The following SETBP1 variants were observed in gnomAD, a reference collection of about 807,000 sequenced individuals.
SETBP1 encodes SET-binding protein.
SETBP1 carries 9 observed loss-of-function variants against 101.0 expected under a neutral mutation model. That is an observed-to-expected ratio of 0.09 (90% CI 0.05 to 0.16). The LOEUF is 0.16. Among genes scored for constraint, SETBP1 ranks in the 10% least tolerant of loss-of-function variants. The pLI is 1.00. For missense variants in SETBP1, 1,858 were observed against 2,033.8 expected (o/e 0.91, Z 1.66); for synonymous variants, 818 against 788.5 (o/e 1.04, Z -0.63).
chr18:44,781,712 G>A (rs2071135087), intron 2 of SETBP1, among the ~76,000 whole-genome samples: 1 of 152,176 alleles, frequency 6.6e-6, no homozygotes, highest in Admixed American at 6.5e-5. Flanking sequence ...TTGAACCCAT[G>A]TGTTAGAGAG....
chr18:44,974,199 GCCTGTGTATGGGC>G (rs1240031564), intron 4 of SETBP1, among the ~76,000 whole-genome samples: 4 of 152,152 alleles, frequency 2.6e-5, no homozygotes, highest in Non-Finnish European at 5.9e-5. Flanking sequence ...GCCAATAACA[GCCTGTGTATGGGC>G]CCTGGTCATG....
intron 4 of SETBP1, among the ~76,000 whole-genome samples, chr18:44,990,422 T>G (rs144742670): frequency 2.0e-5 from 3 of 152,050 alleles, no homozygotes; most frequent in Non-Finnish European, 4.4e-5. Flanking sequence ...AATCAGACCC[T>G]GTCTTTACAA....
chr18:44,997,039 G>A (rs2145314720), intron 4 of SETBP1, among the ~76,000 whole-genome samples: 1 of 152,300 alleles, frequency 6.6e-6, no homozygotes, highest in South Asian at 2.1e-4. Context: ...CCATAACACA[G>A]GTGGCGTAAT....
chr18:44,701,570 C>T lies in SETBP1; in HGVS notation c.224C>T (p.Ala75Val), dbSNP rs770368733. 1.2e-6 allele frequency: 2 copies of T among 1,614,096 alleles called. No individual in the cohort carries two copies. The highest frequency in any genetic ancestry group is 1.1e-5 in the South Asian group (1 of 91,070). The change falls in exon 2 of 6, where the codon GCG becomes GTG. Residue 75 changes from alanine to valine, a missense_variant. By Grantham distance (64) the Ala-to-Val change is moderately conservative. Transcript: ENST00000649279. ...CGGGATGTGGATTCCAACTCCAACG[C>T]GGACAGTGAGAAATGGGTGGCAGGA... ...SGRDVDSNSN[A>V]DSEKWVAGDG...
intron 2 of SETBP1, among the ~76,000 whole-genome samples, chr18:44,754,740 T>C (rs575795699): frequency 6.6e-6 from 1 of 152,344 alleles, no homozygotes; most frequent in South Asian, 2.1e-4. Context: ...GTGTGAACTT[T>C]GTCACTCTGG....
chr18:44,752,435 A>T (rs928628232), intron 2 of SETBP1, among the ~76,000 whole-genome samples: 5 of 152,208 alleles, frequency 3.3e-5, no homozygotes, highest in African/African-American at 1.2e-4. Context: ...GGAATGTGGC[A>T]GTTCTTGGGG....
At chr18:44,685,018 A>G (rs2068814165) in intron 1 of SETBP1, among the ~76,000 whole-genome samples, 1 of 152,140 alleles carries the variant, frequency 6.6e-6, no homozygotes, top group Non-Finnish European at 1.5e-5. Context: ...TTCATAGCAA[A>G]TGATACCAGG....
chr18:45,052,206 A>T (rs901501588), intron 5 of SETBP1, among the ~76,000 whole-genome samples: 4 of 152,266 alleles, frequency 2.6e-5, no homozygotes, highest in Non-Finnish European at 4.4e-5. Flanking sequence ...AAGAGCGTTC[A>T]TATAGATTAA....
intron 2 of SETBP1, among the ~76,000 whole-genome samples, chr18:44,751,503 G>A (rs934047906): frequency 1.3e-5 from 2 of 152,128 alleles, no homozygotes; most frequent in African/African-American, 4.8e-5. Context: ...GAATCATATG[G>A]AAATTGTGGT....
At position 44,994,191 on chromosome 18, in the gene SETBP1, A is replaced by G. The variant is rs80212749; in HGVS notation, c.4000+40851A>G. The stretch of plus-strand genomic sequence containing the variant: ...TTTTTTACATAAAAAACCTGGGTAA[A>G]AAAAATGAAAAGGTATTTTAGATGA... On this transcript the variant is annotated intron_variant, in intron 4 of 5. Transcript: ENST00000649279. Among the ~76,000 whole-genome samples the G allele has an allele frequency of 2.6e-3, 395 of 152,290 alleles. 1 individual carries two copies. The highest frequency in any genetic ancestry group is 8.5e-3 in the African/African-American group (352 of 41,574).
intron 5 of SETBP1, among the ~76,000 whole-genome samples, chr18:45,043,022 G>T (rs1421377291): frequency 6.6e-6 from 1 of 152,186 alleles, no homozygotes; most frequent in African/African-American, 2.4e-5. Context: ...TGCTCAAAGT[G>T]AGGCATAATT....
chr18:44,879,096 A>G (rs1248260963), intron 3 of SETBP1, among the ~76,000 whole-genome samples: 3 of 152,248 alleles, frequency 2.0e-5, no homozygotes, highest in Admixed American at 2.0e-4. Flanking sequence ...ACCCAAGCCA[A>G]TGATACATGG....
intron 2 of SETBP1, among the ~76,000 whole-genome samples, chr18:44,736,340 T>C (rs1001693093): frequency 1.3e-5 from 2 of 152,338 alleles, no homozygotes; most frequent in Admixed American, 1.3e-4. Context: ...GATTGCATAC[T>C]ACTGCACTCT....
chr18:45,049,081 A>G (rs982560857), intron 5 of SETBP1, among the ~76,000 whole-genome samples: 2 of 152,016 alleles, frequency 1.3e-5, no homozygotes, highest in African/African-American at 4.8e-5. Flanking sequence ...TGAGATGACC[A>G]AATAGTATTT....
intron 5 of SETBP1, among the ~76,000 whole-genome samples, chr18:45,039,495 G>C (rs1440529712): frequency 1.3e-5 from 2 of 152,168 alleles, no homozygotes; most frequent in African/African-American, 4.8e-5. Flanking sequence ...AGGACATCCA[G>C]AATCTCTACC....
chr18:44,955,091 G>C (rs2071453229), intron 4 of SETBP1, among the ~76,000 whole-genome samples: 1 of 152,320 alleles, frequency 6.6e-6, no homozygotes, highest in Admixed American at 6.5e-5. Flanking sequence ...GTTGTTGCAT[G>C]TTAGGTTTCT....
intron 3 of SETBP1, among the ~76,000 whole-genome samples, chr18:44,896,797 T>TC (rs2069913801): frequency 6.6e-6 from 1 of 152,190 alleles, no homozygotes; most frequent in Non-Finnish European, 1.5e-5. Context: ...AATATCCTCA[T>TC]TTTTCCTCCT....
At chr18:44,696,979 C>T (rs1027585835) in intron 1 of SETBP1, among the ~76,000 whole-genome samples, 1 of 152,206 alleles carries the variant, frequency 6.6e-6, no homozygotes, top group Non-Finnish European at 1.5e-5. Context: ...CACTCCCAGC[C>T]CCCACTGCCG....
Position 44,759,711 on chromosome 18 carries a change from TC to T in SETBP1, c.486+57880del, listed in dbSNP as rs1599086629. The stretch of plus-strand genomic sequence containing the variant: ...AAAGGCAATTTGATTGAAGAACTAA[TC>T]TAGCACATTTTATGATGTTAGGCAA... On this transcript the variant is annotated intron_variant, in intron 2 of 5. Coordinates refer to ENST00000649279, the MANE Select transcript of SETBP1 (RefSeq NM_015559.3). 5.3e-5 allele frequency among the ~76,000 whole-genome samples: 8 copies of T among 152,370 alleles called. No homozygotes were observed. The East Asian group carries it at 1.5e-3, about 29-fold the overall frequency.
Sources: gnomAD v4.1 joint callset for allele counts (sites outside exome capture counted in the v4.1 genomes callset) on GRCh38, gnomAD v4.1.1 for gene constraint, MANE v1.5 for transcripts, NCBI Gene and HGNC (gene_info 2026-07-23, HGNC 2026-07-21) for gene names.